TRRAP: variants seen among roughly 807,000 people sequenced by gnomAD.
TRRAP encodes the protein transformation/transcription domain-associated protein.
TRRAP carries 41 observed loss-of-function variants against 438.8 expected under a neutral mutation model. That is an observed-to-expected ratio of 0.09 (90% CI 0.07 to 0.12). The LOEUF is 0.12. Ranked by LOEUF, TRRAP falls within the 10% of genes least tolerant of loss-of-function variation. TRRAP has a pLI of 1.00. For synonymous variants in TRRAP, 1,994 were observed against 1,962.9 expected (o/e 1.02, Z -0.42); for missense variants, 3,122 against 5,055.1 (o/e 0.62, Z 11.60).
Position 98,995,380 on chromosome 7 carries a change from G to C in TRRAP, c.10309+532G>C, listed in dbSNP as rs1015267492. Reference sequence around the variant, plus strand: ...ATGGAAGACTGGGTCTGGGTGCGCCGGTGGGAGATGGCGCCGGGTGAGCCA... The same window carrying C: ...ATGGAAGACTGGGTCTGGGTGCGCCCGTGGGAGATGGCGCCGGGTGAGCCA... On this transcript the variant is annotated intron_variant, in intron 67 of 72. Coordinates refer to ENST00000456197, the MANE Select transcript of TRRAP (RefSeq NM_001375524.1). Among the ~76,000 whole-genome samples the C allele has an allele frequency of 3.3e-5, 5 of 152,088 alleles. No individual in the cohort carries two copies. The South Asian group carries it at 1.0e-3, about 32-fold the overall frequency.
chr7:98,891,847 G>A (rs971543343), intron 4 of TRRAP, among the ~76,000 whole-genome samples: 6 of 152,136 alleles, frequency 3.9e-5, no homozygotes. Context: ...CCAGCATGTA[G>A]CTCTTAAAAA....
intron 6 of TRRAP, 38 bp downstream of exon 6, chr7:98,893,919 T>G: frequency 6.3e-7 from 1 of 1,590,474 alleles, no homozygotes. Flanking sequence ...TTATAAAGTG[T>G]GTCAACATGT....
intron 49 of TRRAP, among the ~76,000 whole-genome samples, chr7:98,966,747 A>G (rs1326269878): frequency 1.3e-5 from 2 of 152,224 alleles, no homozygotes; most frequent in East Asian, 3.8e-4. Context: ...AAGATAAGAC[A>G]AATAATACTT....
intron 3 of TRRAP, among the ~76,000 whole-genome samples, chr7:98,886,409 TAG>T (rs1484794021): frequency 2.6e-5 from 4 of 151,588 alleles, no homozygotes; most frequent in East Asian, 3.9e-4. Context: ...TATAGATATC[TAG>T]AGAGATATGG....
chr7:98,920,031 C>T (rs1224656014), intron 20 of TRRAP, among the ~76,000 whole-genome samples: 2 of 152,100 alleles, frequency 1.3e-5, no homozygotes, highest in African/African-American at 4.8e-5. Context: ...ACTTTTCTGA[C>T]AATTATTAAG....
At chr7:98,928,609 C>G (rs1554412086) in intron 23 of TRRAP, among the ~76,000 whole-genome samples, 1 of 152,206 alleles carries the variant, frequency 6.6e-6, no homozygotes, top group East Asian at 1.9e-4. Flanking sequence ...CTGTGGCCGA[C>G]TGTTCTCTGC....
chr7:98,907,462 T>C (rs1231809955), intron 13 of TRRAP, among the ~76,000 whole-genome samples: 6 of 152,238 alleles, frequency 3.9e-5, no homozygotes, highest in African/African-American at 1.2e-4. Flanking sequence ...TTTTAAAAAA[T>C]GTTTAGGTTC....
In TRRAP at chr7:98,957,981, G is replaced by A. The variant is rs1554420251; in HGVS notation, c.6232G>A (p.Val2078Ile). Residue 2078 changes from valine (V) to isoleucine (I), a missense_variant and splice_region_variant, in exon 44 of 73, where the codon GTC becomes ATC. Physicochemically the swap from Val to Ile is conservative, Grantham distance 29 (BLOSUM62 3). Transcript: ENST00000456197. ...FRTATGAISA[V>I]FGRSQSLPGA... ...TGCCTGAAAGGAGGTCCTTTTCCAG[G>A]TCTTTGGGAGGAGCCAGTCGCTACC... 3.1e-6 allele frequency: 5 copies of A among 1,613,714 alleles called. No individual in the cohort carries two copies. The highest frequency in any genetic ancestry group is 3.4e-6 in the Non-Finnish European group (4 of 1,179,828).
chr7:98,911,011 A>C (rs1440066262), intron 16 of TRRAP, 66 bp from the exon 17 acceptor site: 1 of 1,430,278 alleles, frequency 7.0e-7, no homozygotes, highest in African/African-American at 1.4e-5. Context: ...ATCTGGTTAC[A>C]TAATGGAACA....
intron 6 of TRRAP, 24 bp downstream of exon 6, chr7:98,893,905 G>A: frequency 2.5e-6 from 4 of 1,607,966 alleles, no homozygotes; most frequent in Non-Finnish European, 2.5e-6. Flanking sequence ...AATCCTTATA[G>A]CATTTATAAA....
rs187328077 is a variant in TRRAP, at chr7:98,947,099, G to A, written c.4549-1122G>A. ...CGTGCTATCATCCCCTTCTTACCCC[G>A]AGGATCGCAGCGCGCACAGCGCAGC... On this transcript the variant is annotated intron_variant, in intron 33 of 72. Coordinates refer to ENST00000456197, the MANE Select transcript of TRRAP (RefSeq NM_001375524.1). 1.2e-4 allele frequency among the ~76,000 whole-genome samples: 19 copies of A among 152,334 alleles called. No individual in the cohort carries two copies. The East Asian group carries it at 3.7e-3, about 29-fold the overall frequency.
chr7:98,924,331 A>G (rs944940976), intron 21 of TRRAP, among the ~76,000 whole-genome samples: 3 of 151,702 alleles, frequency 2.0e-5, no homozygotes, highest in Admixed American at 2.0e-4. Context: ...GTGAATACCT[A>G]TTAAAGCTGT....
rs763932381 is a variant in TRRAP, at chr7:98,981,918, G to A, written c.8784G>A (p.Arg2928=). 6.2e-7 allele frequency: 1 copy of A among 1,608,064 alleles called. No individual in the cohort carries two copies. The change falls in exon 59 of 73, where the codon CGG becomes CGA. Residue 2928 remains arginine, a synonymous_variant. Coordinates refer to ENST00000456197, the MANE Select transcript of TRRAP (RefSeq NM_001375524.1). ...ASSLAIREWR[R]LPHVVSHVHT... is the part of the protein sequence containing the mutation. Reference sequence around the variant, plus strand: ...GCCTGGCCATCCGCGAGTGGCGGCGGCTGCCCCACGTAGTGTCCCACGTGC... The same window carrying A: ...GCCTGGCCATCCGCGAGTGGCGGCGACTGCCCCACGTAGTGTCCCACGTGC...
intron 10 of TRRAP, among the ~76,000 whole-genome samples, chr7:98,900,421 G>A (rs1473916717): frequency 6.6e-6 from 1 of 152,124 alleles, no homozygotes; most frequent in Non-Finnish European, 1.5e-5. Context: ...GGAATGGGCT[G>A]GAGAACTGGT....
chr7:98,889,409 A>G (rs1195296578), intron 3 of TRRAP, among the ~76,000 whole-genome samples: 4 of 152,154 alleles, frequency 2.6e-5, no homozygotes, highest in Non-Finnish European at 2.9e-5. Flanking sequence ...CAGTCTTCAC[A>G]ATAGTCCTAT....
chr7:98,917,457 G>A lies in TRRAP; in HGVS notation c.2400G>A (p.Gln800=), dbSNP rs781873358. ...LNMLQSGLHK[Q]HMKDLFVELC... is the part of the protein sequence containing the mutation. ...TGCTTCAGAGTGGCCTGCACAAGCA[G>A]CACATGAAGGACCTCTTTGTGGAGC... The change falls in exon 20 of 73, where the codon CAG becomes CAA. Residue 800 remains glutamine (Q), a synonymous_variant. Coordinates refer to ENST00000456197, the MANE Select transcript of TRRAP (RefSeq NM_001375524.1). 6 of 1,614,184 alleles carry A rather than the reference G, an allele frequency of 3.7e-6. No homozygotes were observed. In the South Asian group the frequency reaches 6.6e-5, roughly 18 times the overall value.
intron 51 of TRRAP, among the ~76,000 whole-genome samples, chr7:98,969,130 C>G (rs1241544482): frequency 1.3e-5 from 2 of 152,220 alleles, no homozygotes; most frequent in African/African-American, 4.8e-5. Flanking sequence ...CAACCACCTC[C>G]CCTCCTACTG....
At position 98,956,271 on chromosome 7, in the gene TRRAP, C is replaced by G; in HGVS notation, c.6063C>G (p.Ile2021Met). ...CCGTGGACCTGTCTGAAGTCGTCAT[C>G]AAGTGGGAGCTGCAGAGGATCAAGG... is the stretch of plus-strand genomic sequence containing the variant. ...RLAVDLSEVV[I>M]KWELQRIKDQ... is the part of the protein sequence containing the mutation. Residue 2021 changes from isoleucine (I) to methionine (M), a missense_variant, in exon 42 of 73, where the codon ATC (isoleucine) becomes ATG (methionine). Transcript: ENST00000456197. The surrounding 1 kb of genome is among the most constrained non-coding windows in gnomAD (Gnocchi z 4.5). 6.2e-7 allele frequency: 1 copy of G among 1,614,228 alleles called. No individual in the cohort carries two copies. The highest frequency in any genetic ancestry group is 2.2e-5 in the East Asian group (1 of 44,872).
chr7:98,962,817 T>C (rs1415325719), intron 47 of TRRAP, among the ~76,000 whole-genome samples: 1 of 152,220 alleles, frequency 6.6e-6, no homozygotes, highest in Non-Finnish European at 1.5e-5. Context: ...TCCCGTCTTA[T>C]TGCTGAGGCT....
Sources: gnomAD v4.1 joint callset for allele counts (sites outside exome capture counted in the v4.1 genomes callset) on GRCh38, gnomAD v4.1.1 for gene constraint, Gnocchi (gnomAD v3.1) non-coding constraint, MANE v1.5 for transcripts, NCBI Gene and HGNC (gene_info 2026-07-23, HGNC 2026-07-21) for gene names.